The following RPH3A variants were observed in gnomAD, a reference collection of about 807,000 sequenced individuals.
RPH3A encodes rabphilin 3A.
A neutral mutation model predicts 102.2 loss-of-function variants in RPH3A; 48 were observed. That is an observed-to-expected ratio of 0.47 (90% CI 0.37 to 0.60). The LOEUF (loss-of-function observed/expected upper bound fraction) is 0.60, where lower values mean the gene tolerates loss of function less well. RPH3A is among the 20% of genes least tolerant of loss of function. The probability of loss-of-function intolerance (pLI) is 0.00; values close to 1 mark genes in which losing one functional copy is unlikely to be tolerated. For missense variants in RPH3A, 781 were observed against 910.1 expected, an observed-to-expected ratio of 0.86 and a Z score of 1.83; for synonymous variants, 310 against 324.3, an observed-to-expected ratio of 0.96 and a Z score of 0.47.
chr12:112,720,170 T>A (rs2040541406), intron 1 of RPH3A, among the ~76,000 whole-genome samples: 1 of 152,218 alleles, frequency 6.6e-6, no homozygotes, highest in Admixed American at 6.5e-5. Flanking sequence ...CCCTTGTGTG[T>A]GTGTGGTATG....
chr12:112,662,308 A>G (rs1358366384), intron 1 of RPH3A, among the ~76,000 whole-genome samples: 1 of 152,206 alleles, frequency 6.6e-6, no homozygotes, highest in East Asian at 1.9e-4. Context: ...CTCCAAAGAA[A>G]CACAATGCTG....
chr12:112,752,973 T>C (rs199972424), intron 1 of RPH3A, among the ~76,000 whole-genome samples: 57 of 128,232 alleles, frequency 4.4e-4, no homozygotes, highest in South Asian at 1.3e-3. Context: ...GTTTTCTTTT[T>C]TTTTTTTTTT....
intron 2 of RPH3A, among the ~76,000 whole-genome samples, chr12:112,822,322 G>C (rs561358531): frequency 1.3e-5 from 2 of 152,224 alleles, no homozygotes; most frequent in South Asian, 2.1e-4. Context: ...AGCTCCTGCC[G>C]GTTCCCTGCA....
At chr12:112,806,644 A>G (rs774029603) in intron 2 of RPH3A, among the ~76,000 whole-genome samples, 1 of 152,092 alleles carries the variant, frequency 6.6e-6, no homozygotes, top group African/African-American at 2.4e-5. Flanking sequence ...TTAAAAAAAA[A>G]ACAAAAAAGA....
chr12:112,700,982 C>T (rs1033257545), intron 1 of RPH3A, among the ~76,000 whole-genome samples: 3 of 152,170 alleles, frequency 2.0e-5, no homozygotes, highest in African/African-American at 4.8e-5. Context: ...TTCTTCCCTT[C>T]GGTGTCCCCA....
At chr12:112,752,366 T>G (rs2040790731) in intron 1 of RPH3A, among the ~76,000 whole-genome samples, 1 of 152,204 alleles carries the variant, frequency 6.6e-6, no homozygotes, top group Non-Finnish European at 1.5e-5. Context: ...AACTTATTAC[T>G]TAGTTTCTGC....
chr12:112,862,650 C>G (rs1487411461), intron 5 of RPH3A, among the ~76,000 whole-genome samples: 1 of 151,798 alleles, frequency 6.6e-6, no homozygotes, highest in Non-Finnish European at 1.5e-5. Flanking sequence ...GCCTTCAGCT[C>G]TGTGCATGGT....
At chr12:112,784,182 C>A (rs563858276) in intron 1 of RPH3A, among the ~76,000 whole-genome samples, 6 of 152,270 alleles carry the variant, frequency 3.9e-5, no homozygotes, top group South Asian at 2.1e-4. Context: ...CAGCAAATAT[C>A]AGCCCCCTTC....
chr12:112,656,512 C>G (rs61942314), intron 1 of RPH3A, among the ~76,000 whole-genome samples: 1 of 152,022 alleles, frequency 6.6e-6, no homozygotes. Context: ...CCATTGTATC[C>G]GTAACCCAAA....
intron 1 of RPH3A, among the ~76,000 whole-genome samples, chr12:112,667,609 G>C (rs1292994477): frequency 1.3e-5 from 2 of 148,866 alleles, no homozygotes; most frequent in Non-Finnish European, 3.0e-5. Flanking sequence ...ACAGTGCAGG[G>C]ACCCAGGGCT....
intron 1 of RPH3A, among the ~76,000 whole-genome samples, chr12:112,584,434 C>T (rs1445498861): frequency 1.3e-5 from 2 of 152,182 alleles, no homozygotes; most frequent in African/African-American, 4.8e-5. Context: ...TGAACTAACA[C>T]CTCCCTACGC....
intron 1 of RPH3A, among the ~76,000 whole-genome samples, chr12:112,583,636 G>C (rs1355351343): frequency 6.6e-6 from 1 of 152,162 alleles, no homozygotes; most frequent in African/African-American, 2.4e-5. Flanking sequence ...TTCATTTGCT[G>C]TGTGGCCTTG....
At chr12:112,871,237 A>G (rs1283270276) in intron 10 of RPH3A, among the ~76,000 whole-genome samples, 1 of 152,226 alleles carries the variant, frequency 6.6e-6, no homozygotes, top group African/African-American at 2.4e-5. Flanking sequence ...TTTCATGTGT[A>G]CAATTCAGTG....
At chr12:112,713,012 TCTTCC>T (rs1565857187) in intron 1 of RPH3A, among the ~76,000 whole-genome samples, 11 of 77,294 alleles carry the variant, frequency 1.4e-4, no homozygotes, top group African/African-American at 5.9e-4. Flanking sequence ...TTCCTCTTCC[TCTTCC>T]TCTTCCTCTT....
In RPH3A at chr12:112,864,715, A is replaced by G. The variant is rs182222988; in HGVS notation, c.231-699A>G. Among the ~76,000 whole-genome samples the G allele has an allele frequency of 3.9e-5, 6 of 152,352 alleles. No individual in the cohort carries two copies. The East Asian group carries it at 1.2e-3, about 29-fold the overall frequency. ...TGCTGGATCTCTATCCAGCCAAATT[A>G]GAATCATTTAGCTTCCAGGACATTC... On this transcript the variant is annotated intron_variant, in intron 5 of 21. Coordinates refer to ENST00000389385, the MANE Select transcript of RPH3A (RefSeq NM_001143854.2).
Position 112,690,641 on chromosome 12 carries a change from C to T in RPH3A, c.-139-101502C>T, listed in dbSNP as rs372620180. On this transcript the variant is annotated intron_variant, in intron 1 of 21. Coordinates refer to the RPH3A transcript ENST00000543106. ...CACACCTATTAGAACATAGCTTCCC[C>T]ACCCACTGGTAAATATGGACCAATC... Among the ~76,000 whole-genome samples the T allele has an allele frequency of 3.5e-4, 53 of 152,286 alleles. No homozygotes were observed. In the South Asian group the frequency reaches 4.1e-3, roughly 12 times the overall value.
intron 1 of RPH3A, among the ~76,000 whole-genome samples, chr12:112,760,814 A>C (rs1294337496): frequency 6.6e-6 from 1 of 152,188 alleles, no homozygotes; most frequent in African/African-American, 2.4e-5. Context: ...ATCGATAATC[A>C]GTCACGGCTC....
intron 1 of RPH3A, among the ~76,000 whole-genome samples, chr12:112,777,737 A>G (rs1350582282): frequency 6.6e-6 from 1 of 152,214 alleles, no homozygotes; most frequent in Non-Finnish European, 1.5e-5. Flanking sequence ...TTTTACTTCC[A>G]AAGGAGAGAG....
intron 1 of RPH3A, among the ~76,000 whole-genome samples, chr12:112,713,023 C>CTCTTCCTCTTCCTCTTCCTCT (rs1473414104): frequency 5.7e-5 from 3 of 52,812 alleles, no homozygotes; most frequent in African/African-American, 2.2e-4. Flanking sequence ...CTTCCTCTTC[C>CTCTTCCTCTTCCTCTTCCTCT]TCTTCTTCTT....
Sources: allele counts gnomAD v4.1 joint callset (sites outside exome capture counted in the v4.1 genomes callset), GRCh38; gene constraint gnomAD v4.1.1; transcripts MANE v1.5; gene names NCBI Gene and HGNC (gene_info 2026-07-23, HGNC 2026-07-21).